Variants in ACYP2 observed in about 807,000 individuals in gnomAD.
ACYP2 encodes the protein acylphosphatase-2.
A neutral mutation model predicts 11.2 loss-of-function variants in ACYP2; 12 were observed. The observed-to-expected ratio is 1.08, with a 90% CI of 0.69 to 1.74. ACYP2 has a LOEUF of 1.74. Ranked by LOEUF, ACYP2 falls within the 40% of genes most tolerant of loss-of-function variation. The probability of loss-of-function intolerance (pLI) is 0.00; values close to 1 mark genes in which losing one functional copy is unlikely to be tolerated. For synonymous variants in ACYP2, 43 were observed against 32.2 expected (o/e 1.33, Z -1.13); for missense variants, 134 against 101.9 (o/e 1.31, Z -1.35).
At chr2:54,010,010 A>G (rs1673275012) in intron 2 of ACYP2, among the ~76,000 whole-genome samples, 1 of 152,190 alleles carries the variant, frequency 6.6e-6, no homozygotes, top group African/African-American at 2.4e-5. Flanking sequence ...GGTTGAATTC[A>G]AATTACTCTT....
At chr2:54,158,990 CAG>C (rs140918459) in intron 6 of ACYP2, among the ~76,000 whole-genome samples, 475 of 152,196 alleles carry the variant, frequency 3.1e-3, no homozygotes, top group African/African-American at 0.011. Flanking sequence ...TGATATTCTT[CAG>C]AGTTAGGTTG....
Position 54,178,902 on chromosome 2 carries a change from G to A in ACYP2, c.404+40154G>A, listed in dbSNP as rs544027258. On this transcript the variant is annotated intron_variant, in intron 6 of 6. Transcript: ENST00000607452. ...TGAGATCTTGTCTTAGTCCATTCAC[G>A]CTACTATAACAAAATACCATAGACT... Among the ~76,000 whole-genome samples the A allele has an allele frequency of 1.2e-4, 19 of 152,122 alleles. No individual in the cohort carries two copies. In the South Asian group the frequency reaches 2.9e-3, roughly 23 times the overall value.
At chr2:54,272,618 C>A (rs779047415) in intron 6 of ACYP2, among the ~76,000 whole-genome samples, 1 of 152,154 alleles carries the variant, frequency 6.6e-6, no homozygotes, top group Non-Finnish European at 1.5e-5. Context: ...TCCATTGTAC[C>A]AATGATGTCC....
intron 4 of ACYP2, among the ~76,000 whole-genome samples, chr2:54,085,491 A>T (rs1346551905): frequency 6.6e-6 from 1 of 152,220 alleles, no homozygotes; most frequent in African/African-American, 2.4e-5. Flanking sequence ...AAATGTGTAT[A>T]TAGCTCACAT....
intron 4 of ACYP2, 146 bp from the exon 1 acceptor site, chr2:54,115,469 C>A (rs1255586792): frequency 2.5e-6 from 3 of 1,201,052 alleles, no homozygotes; most frequent in African/African-American, 1.6e-5. Context: ...CCTAGGATGC[C>A]TGGGGCCCAG....
intron 6 of ACYP2, among the ~76,000 whole-genome samples, chr2:54,151,355 A>G (rs1179049649): frequency 6.6e-6 from 1 of 152,222 alleles, no homozygotes; most frequent in Non-Finnish European, 1.5e-5. Flanking sequence ...CCAGCAGACC[A>G]TTAGTGGCAT....
chr2:54,201,642 C>CTTTCTTTGTTTCTT lies in ACYP2; in HGVS notation c.404+62901_404+62902insGTTTCTTTTTCTTT, dbSNP rs1558608859. Among the ~76,000 whole-genome samples the CTTTCTTTGTTTCTT allele has an allele frequency of 6.1e-4, 48 of 78,330 alleles. 1 individual carries two copies. Among genetic ancestry groups the CTTTCTTTGTTTCTT allele is most frequent in the African/African-American group, 2.2e-3 (42 of 19,456 alleles). The allele number at this position is 78,330 out of a possible 152,430, so 51.4% of individuals were successfully genotyped here. ...TTTCTTTGTTTCTTTCTTTCTCTTT[C>CTTTCTTTGTTTCTT]TTTCTTTCTTTCTTTCTTTCTTTCT... On this transcript the variant is annotated intron_variant, in intron 6 of 6. Transcript: ENST00000607452.
At chr2:54,261,557 CAATATT>C (rs1322174440) in intron 6 of ACYP2, among the ~76,000 whole-genome samples, 10 of 152,144 alleles carry the variant, frequency 6.6e-5, no homozygotes, top group African/African-American at 2.4e-4. Flanking sequence ...AAGATAAACT[CAATATT>C]AGATGACTGA....
chr2:54,281,781 C>T (rs953465589), intron 6 of ACYP2, among the ~76,000 whole-genome samples: 7 of 152,168 alleles, frequency 4.6e-5, no homozygotes, highest in African/African-American at 1.7e-4. Flanking sequence ...ATTGTAGCAA[C>T]ATAGATCCTA....
chr2:54,093,933 CTG>C (rs929282345), intron 4 of ACYP2, among the ~76,000 whole-genome samples: 3 of 141,612 alleles, frequency 2.1e-5, no homozygotes, highest in Non-Finnish European at 4.5e-5. Flanking sequence ...GAACGAGACT[CTG>C]TCTCAAAAAA....
At chr2:54,106,755 TG>T (rs1411028878) in intron 4 of ACYP2, among the ~76,000 whole-genome samples, 1 of 152,180 alleles carries the variant, frequency 6.6e-6, no homozygotes, top group Non-Finnish European at 1.5e-5. Context: ...GGCTAATTTT[TG>T]TATGTTTTAG....
chr2:54,145,476 C>G (rs1450430056), intron 6 of ACYP2, among the ~76,000 whole-genome samples: 1 of 152,074 alleles, frequency 6.6e-6, no homozygotes, highest in Non-Finnish European at 1.5e-5. Flanking sequence ...ATACTTTTCT[C>G]TTTTTATATT....
At chr2:54,240,839 C>A (rs1320863541) in intron 6 of ACYP2, among the ~76,000 whole-genome samples, 2 of 152,182 alleles carry the variant, frequency 1.3e-5, no homozygotes, top group Non-Finnish European at 2.9e-5. Flanking sequence ...GTGGCTTAGG[C>A]TGCAAAATAA....
intron 4 of ACYP2, among the ~76,000 whole-genome samples, chr2:54,103,833 G>T (rs549782636): frequency 6.6e-6 from 1 of 152,352 alleles, no homozygotes; most frequent in Admixed American, 6.5e-5. Flanking sequence ...TTCATATGCA[G>T]CTTGATGTTG....
At chr2:54,169,179 T>C (rs780092317) in intron 6 of ACYP2, among the ~76,000 whole-genome samples, 3 of 152,190 alleles carry the variant, frequency 2.0e-5, no homozygotes, top group Non-Finnish European at 4.4e-5. Flanking sequence ...CTCCAGTAGA[T>C]AGTTTCAGCA....
At chr2:54,252,352 C>T (rs1017892827) in intron 6 of ACYP2, among the ~76,000 whole-genome samples, 1 of 151,958 alleles carries the variant, frequency 6.6e-6, no homozygotes. Flanking sequence ...TATTAAAATT[C>T]TGTTGTTAGA....
chr2:53,986,029 G>T (rs778969601), intron 2 of ACYP2, among the ~76,000 whole-genome samples: 7 of 152,068 alleles, frequency 4.6e-5, no homozygotes, highest in African/African-American at 1.7e-4. Flanking sequence ...CCAGCTCCTC[G>T]CAAGGCTGAG....
At chr2:54,232,411 C>G (rs1686274358) in intron 6 of ACYP2, among the ~76,000 whole-genome samples, 1 of 152,092 alleles carries the variant, frequency 6.6e-6, no homozygotes, top group Non-Finnish European at 1.5e-5. Context: ...ACTGGCTTAT[C>G]CCTGCTCTTC....
intron 6 of ACYP2, among the ~76,000 whole-genome samples, chr2:54,214,137 T>G (rs1266201656): frequency 6.6e-6 from 1 of 152,186 alleles, no homozygotes; most frequent in Non-Finnish European, 1.5e-5. Flanking sequence ...ATTCTGGATA[T>G]TCGAGCTTTG....
Sources: allele counts gnomAD v4.1 joint callset (sites outside exome capture counted in the v4.1 genomes callset), GRCh38; gene constraint gnomAD v4.1.1; transcripts MANE v1.5; gene names NCBI Gene and HGNC (gene_info 2026-07-23, HGNC 2026-07-21).